The following C1orf116 variants were observed in gnomAD, a reference collection of about 807,000 sequenced individuals.
C1orf116 encodes specifically androgen-regulated gene protein.
C1orf116 carries 12 observed loss-of-function variants against 14.1 expected under a neutral mutation model. The ratio of observed to expected loss-of-function variants is 0.85; its 90% CI spans 0.54 to 1.38. C1orf116 has a LOEUF of 1.38. C1orf116 is among the 40% of genes most tolerant of loss of function. C1orf116 has a pLI of 0.00. For missense variants in C1orf116, 797 were observed against 747.0 expected, an observed-to-expected ratio of 1.07 and a Z score of -0.78; for synonymous variants, 296 against 299.0, an observed-to-expected ratio of 0.99 and a Z score of 0.10.
chr1:207,018,526 T>A lies in C1orf116; in HGVS notation c.*3432A>T, dbSNP rs1198971002. 6.6e-6 allele frequency: 1 copy of A among 152,240 alleles called. No homozygotes were observed. 9.4% of individuals were successfully genotyped at this position (152,240 alleles called of 1,614,324 possible). On this transcript the variant is annotated 3_prime_UTR_variant, in exon 4 of 4. Coordinates refer to ENST00000359470, the MANE Select transcript of C1orf116 (RefSeq NM_023938.6). ...GAAAAAAATAAGACCCAGAAGGTAG[T>A]ATTATCATTTATTGAGTAGCTACAC... is the stretch of plus-strand genomic sequence containing the variant.
chr1:207,030,072 C>T (rs1487724379), intron 1 of C1orf116, among the ~76,000 whole-genome samples: 1 of 152,174 alleles, frequency 6.6e-6, no homozygotes, highest in African/African-American at 2.4e-5. Flanking sequence ...CTTCAAGTAG[C>T]TGGAAGAGAT....
chr1:207,021,992 T>C lies in C1orf116; in HGVS notation c.1772A>G (p.Glu591Gly). The change falls in exon 4 of 4, where the codon GAG (glutamate) becomes GGG (glycine). Residue 591 changes from glutamate to glycine, a missense_variant. Glu to Gly is a moderately conservative substitution (Grantham distance 98). Coordinates refer to ENST00000359470, the MANE Select transcript of C1orf116 (RefSeq NM_023938.6). ...PKGVPNEHRREALKKLGLLKE is the reference protein window; with the variant it reads ...PKGVPNEHRRGALKKLGLLKE Reference sequence around the variant, plus strand: ...CAACAGTCCCAGCTTCTTCAGGGCCTCCCTTCTGTGTTCATTGGGGACACC... The same window carrying C: ...CAACAGTCCCAGCTTCTTCAGGGCCCCCCTTCTGTGTTCATTGGGGACACC... 2 of 1,541,098 alleles carry C rather than the reference T, an allele frequency of 1.3e-6. No homozygotes were observed. Among genetic ancestry groups the C allele is most frequent in the Non-Finnish European group, 1.7e-6 (2 of 1,147,534 alleles).
rs1464420329 is a variant in C1orf116, at chr1:207,021,762, C to A, written c.*196G>T. ...ACACACCAAACACACACACACACAC[C>A]CTCTTGTGGAGATCACCTTCAGAAT... On this transcript the variant is annotated 3_prime_UTR_variant, in exon 4 of 4. Coordinates refer to ENST00000359470, the MANE Select transcript of C1orf116 (RefSeq NM_023938.6). 2 of 486,006 alleles carry A rather than the reference C, an allele frequency of 4.1e-6. No individual in the cohort carries two copies. The highest frequency in any genetic ancestry group is 7.6e-5 in the Admixed American group (2 of 26,270). 30.1% of individuals were successfully genotyped at this position (486,006 alleles called of 1,614,324 possible). A position where few individuals can be genotyped will look rare whatever the true frequency, so the allele number is the denominator to read the frequency against.
Position 207,023,007 on chromosome 1 carries a change from C to T in C1orf116, c.757G>A (p.Glu253Lys), listed in dbSNP as rs1169369382. The change falls in exon 4 of 4, where the codon GAA becomes AAA. Residue 253 changes from glutamate to lysine, a missense_variant. Coordinates refer to ENST00000359470, the MANE Select transcript of C1orf116 (RefSeq NM_023938.6). Reference sequence around the variant, plus strand: ...TGTGTGTACCTGGTTGAGACTGTTTCCTTGGCTTTTTGGGACATGGCTTCT... The same window carrying T: ...TGTGTGTACCTGGTTGAGACTGTTTTCTTGGCTTTTTGGGACATGGCTTCT... ...PSEAMSQKAK[E>K]TVSTRYTQPQ... 1 of 1,613,976 alleles carries T rather than the reference C, an allele frequency of 6.2e-7. No homozygotes were observed. The highest frequency in any genetic ancestry group is 8.5e-7 in the Non-Finnish European group (1 of 1,180,026).
At position 207,019,793 on chromosome 1, in the gene C1orf116, G is replaced by A. The variant is rs1681778523; in HGVS notation, c.*2165C>T. The A allele has an allele frequency of 6.6e-6, 1 of 152,228 alleles. No homozygotes were observed. The highest frequency in any genetic ancestry group is 2.1e-4 in the South Asian group (1 of 4,836). The allele number at this position is 152,228 out of a possible 1,614,324, so 9.4% of individuals were successfully genotyped here. ...GAAATGGGCATGTCAGTAGGATGAG[G>A]ATGCCTAGTGGCAGGTGCAGGATGT... On this transcript the variant is annotated 3_prime_UTR_variant, in exon 4 of 4. Coordinates refer to ENST00000359470, the MANE Select transcript of C1orf116 (RefSeq NM_023938.6).
At chr1:207,028,754 C>T (rs538629063) in intron 1 of C1orf116, among the ~76,000 whole-genome samples, 2 of 152,306 alleles carry the variant, frequency 1.3e-5, no homozygotes, top group South Asian at 2.1e-4. Context: ...GTGGGAAATA[C>T]TCCACTGGAG....
rs1681953259 is a variant in C1orf116, at chr1:207,023,382, T to C, written c.382A>G (p.Arg128Gly). ...HPPEPQGLGL[R>G]SGSYSLPRNI... The stretch of plus-strand genomic sequence containing the variant: ...CTAGGGAGGCTGTAGGAGCCAGACC[T>C]GAGGCCTAGGCCCTGGGGCTCAGGA... Residue 128 changes from arginine to glycine, a missense_variant, in exon 4 of 4, where the codon AGG becomes GGG. Physicochemically the swap from Arg to Gly is moderately radical, Grantham distance 125. Coordinates refer to ENST00000359470, the MANE Select transcript of C1orf116 (RefSeq NM_023938.6). 1 of 1,614,124 alleles carries C rather than the reference T, an allele frequency of 6.2e-7. No homozygotes were observed. Among genetic ancestry groups the C allele is most frequent in the East Asian group, 2.2e-5 (1 of 44,886 alleles).
rs1185511394 is a variant in C1orf116, at chr1:207,021,970, C to T, written c.1794G>A (p.Leu598=). 6.6e-7 allele frequency: 1 copy of T among 1,525,558 alleles called. No individual in the cohort carries two copies. The highest frequency in any genetic ancestry group is 2.2e-5 in the Admixed American group (1 of 45,676). The allele number at this position is 1,525,558 out of a possible 1,614,324, so 94.5% of individuals were successfully genotyped here. Residue 598 remains leucine, a synonymous_variant, in exon 4 of 4, where the codon CTG becomes CTA. Transcript: ENST00000359470. ...CTGGTCGCAGAGTCTACTCCTTCAA[C>T]AGTCCCAGCTTCTTCAGGGCCTCCC... ...HRREALKKLG[L]LKE
At position 207,018,556 on chromosome 1, in the gene C1orf116, G is replaced by T. The variant is rs1475566105; in HGVS notation, c.*3402C>A. 3 of 152,156 alleles carry T rather than the reference G, an allele frequency of 2.0e-5. No individual in the cohort carries two copies. Among genetic ancestry groups the T allele is most frequent in the African/African-American group, 7.2e-5 (3 of 41,430 alleles). The allele number at this position is 152,156 out of a possible 1,614,324, so 9.4% of individuals were successfully genotyped here. A position where few individuals can be genotyped will look rare whatever the true frequency, so the allele number is the denominator to read the frequency against. On this transcript the variant is annotated 3_prime_UTR_variant, in exon 4 of 4. Coordinates refer to ENST00000359470, the MANE Select transcript of C1orf116 (RefSeq NM_023938.6). ...TCATTTATTGAGTAGCTACACTGTG[G>T]CCAGAACTAAGCTTTACATGTTTTA...
Position 207,022,411 on chromosome 1 carries a change from T to A in C1orf116, c.1353A>T (p.Ala451=). The change falls in exon 4 of 4, where the codon GCA becomes GCT. Residue 451 remains alanine, a synonymous_variant. Transcript: ENST00000359470. ...MPISIPKAPR[A]NSALTPPKPE... ...GCTTCGGTGGAGTCAGGGCACTGTTTGCCCTTGGGGCCTTAGGGATAGAAA... is the reference window on the plus strand; with the variant it reads ...GCTTCGGTGGAGTCAGGGCACTGTTAGCCCTTGGGGCCTTAGGGATAGAAA... 1.2e-6 allele frequency: 2 copies of A among 1,614,208 alleles called. No homozygotes were observed. The highest frequency in any genetic ancestry group is 2.2e-5 in the South Asian group (2 of 91,082).
chr1:207,022,460 A>G lies in C1orf116; in HGVS notation c.1304T>C (p.Val435Ala). Residue 435 changes from valine to alanine, a missense_variant, in exon 4 of 4, where the codon GTT becomes GCT. Transcript: ENST00000359470. ...LPMKSPAPGNVAASKSMPISI... is the reference protein window; with the variant it reads ...LPMKSPAPGNAAASKSMPISI... ...AATTGGCATAGATTTGCTAGCTGCA[A>G]CATTGCCTGGAGCTGGAGACTTCAT... is the stretch of plus-strand genomic sequence containing the variant. 1 of 1,614,214 alleles carries G rather than the reference A, an allele frequency of 6.2e-7. No individual in the cohort carries two copies. The highest frequency in any genetic ancestry group is 8.5e-7 in the Non-Finnish European group (1 of 1,180,034).
At chr1:207,025,089 GGGGCGGGGAGGCGGGGGGGAGGGCGA>G in intron 2 of C1orf116, 25 bp from the exon 3 acceptor site, 1 of 1,080,994 alleles carries the variant, frequency 9.3e-7, no homozygotes, top group Non-Finnish European at 1.3e-6. Flanking sequence ...GTTGGGGGCG[GGGGCGGGGAGGCGGGGGGGAGGGCGA>G]GAAGAAGAAC....
intron 1 of C1orf116, among the ~76,000 whole-genome samples, chr1:207,031,709 G>T (rs193024116): frequency 6.6e-6 from 1 of 152,314 alleles, no homozygotes; most frequent in East Asian, 1.9e-4. Context: ...TGGGACACCT[G>T]CAGGAAAACA....
chr1:207,031,547 C>T (rs892803462), intron 1 of C1orf116, among the ~76,000 whole-genome samples: 1 of 152,150 alleles, frequency 6.6e-6, no homozygotes, highest in African/African-American at 2.4e-5. Context: ...TTCCCACTTC[C>T]CTCTTCTCTG....
At chr1:207,025,130 G>A (rs1682038686) in intron 2 of C1orf116, 66 bp from the exon 3 acceptor site, 1 of 1,150,230 alleles carries the variant, frequency 8.7e-7, no homozygotes, top group South Asian at 1.5e-5. Flanking sequence ...AAGAACAGGA[G>A]AGGGAGAGAG....
rs1342321875 is a variant in C1orf116 at position 207,019,309 on chromosome 1, T to C, written c.*2649A>G. 1 of 152,272 alleles carries C rather than the reference T, an allele frequency of 6.6e-6. No homozygotes were observed. Among genetic ancestry groups the C allele is most frequent in the African/African-American group, 2.4e-5 (1 of 41,452 alleles). 9.4% of individuals were successfully genotyped at this position (152,272 alleles called of 1,614,324 possible). On this transcript the variant is annotated 3_prime_UTR_variant, in exon 4 of 4. Coordinates refer to ENST00000359470, the MANE Select transcript of C1orf116 (RefSeq NM_023938.6). ...CAGGCTGGGAGAGGCCACTCCTGTA[T>C]TTGGCAGGTGGCTTGTGCCCAGTGG...
chr1:207,022,705 C>A lies in C1orf116; in HGVS notation c.1059G>T (p.Lys353Asn), dbSNP rs760298740. ...QRKARKEALE[K>N]LGLPQDQDEP... ...CATCTTGATCCTGGGGTAGCCCCAG[C>A]TTCTCTAGAGCTTCTTTACGTGCTT... The change falls in exon 4 of 4, where the codon AAG (lysine) becomes AAT (asparagine). Residue 353 changes from lysine (K) to asparagine (N), a missense_variant. Coordinates refer to ENST00000359470, the MANE Select transcript of C1orf116 (RefSeq NM_023938.6). 6.2e-7 allele frequency: 1 copy of A among 1,614,142 alleles called. No homozygotes were observed. The highest frequency in any genetic ancestry group is 8.5e-7 in the Non-Finnish European group (1 of 1,180,030).
At position 207,019,691 on chromosome 1, in the gene C1orf116, C is replaced by T. The variant is rs943644780; in HGVS notation, c.*2267G>A. On this transcript the variant is annotated 3_prime_UTR_variant, in exon 4 of 4. Transcript: ENST00000359470. ...ACCATCCTAAGAGCAAAATATGCTC[C>T]TTGAAGGATGAGGATGTGGAGAAGC... 2.6e-5 allele frequency: 4 copies of T among 152,090 alleles called. No homozygotes were observed. The highest frequency in any genetic ancestry group is 4.4e-5 in the Non-Finnish European group (3 of 68,012). The allele number at this position is 152,090 out of a possible 1,614,324, so 9.4% of individuals were successfully genotyped here.
intron 1 of C1orf116, among the ~76,000 whole-genome samples, chr1:207,031,952 T>A (rs1287575385): frequency 6.6e-6 from 1 of 152,210 alleles, no homozygotes; most frequent in Non-Finnish European, 1.5e-5. Context: ...TGCAGCTAGA[T>A]TATCCATGGG....
Sources: gnomAD v4.1 joint callset for allele counts (sites outside exome capture counted in the v4.1 genomes callset) on GRCh38, gnomAD v4.1.1 for gene constraint, MANE v1.5 for transcripts, NCBI Gene and HGNC (gene_info 2026-07-23, HGNC 2026-07-21) for gene names.